The following MAEA variants were observed in gnomAD, a reference collection of about 807,000 sequenced individuals.
MAEA encodes macrophage erythroblast attacher, E3 ubiquitin ligase.
Under a neutral mutation model 46.2 loss-of-function variants are expected in MAEA, and 22 were observed. The observed-to-expected ratio is 0.48, with a 90% CI of 0.34 to 0.68. MAEA has a LOEUF of 0.68. MAEA is among the 30% of genes least tolerant of loss of function. The pLI is 0.01. For missense variants in MAEA, 393 were observed against 558.1 expected, an observed-to-expected ratio of 0.70 and a Z score of 2.98; for synonymous variants, 246 against 222.6, an observed-to-expected ratio of 1.11 and a Z score of -0.94.
At position 1,311,250 on chromosome 4, in the gene MAEA, C is replaced by T. The variant is rs1471196879; in HGVS notation, c.70-729C>T. ...GCAGGTGGTGTTTCCTGCGGGAGCC[C>T]GGCCACGGAGGCCGGGGAGCGCTGG... is the stretch of plus-strand genomic sequence containing the variant. On this transcript the variant is annotated intron_variant, in intron 1 of 8. Coordinates refer to ENST00000303400, the MANE Select transcript of MAEA (RefSeq NM_001017405.3). This position sits in a 1 kb window ranked among gnomAD's most constrained non-coding sequence, Gnocchi z 4.4. Among the ~76,000 whole-genome samples the T allele has an allele frequency of 1.3e-5, 2 of 152,192 alleles. No individual in the cohort carries two copies. The highest frequency in any genetic ancestry group is 4.8e-5 in the African/African-American group (2 of 41,448).
chr4:1,301,943 A>G (rs1735356515), intron 1 of MAEA, among the ~76,000 whole-genome samples: 1 of 150,748 alleles, frequency 6.6e-6, no homozygotes, highest in South Asian at 2.1e-4. Context: ...AGAAGGATTT[A>G]TACCAACTCT....
chr4:1,333,553 C>T (rs546558103), intron 6 of MAEA, among the ~76,000 whole-genome samples: 316 of 152,128 alleles, frequency 2.1e-3, no homozygotes, highest in Non-Finnish European at 3.1e-3. Flanking sequence ...TCCGCGGTCA[C>T]TGGGGTAGGG....
rs531887726 is a variant in MAEA, at chr4:1,306,446, C to T, written c.70-5533C>T. 1.6e-3 allele frequency among the ~76,000 whole-genome samples: 236 copies of T among 152,142 alleles called. 1 individual carries two copies. The highest frequency in any genetic ancestry group is 5.4e-3 in the African/African-American group (225 of 41,504). On this transcript the variant is annotated intron_variant, in intron 1 of 8. Coordinates refer to ENST00000303400, the MANE Select transcript of MAEA (RefSeq NM_001017405.3). Reference sequence around the variant, plus strand: ...AGGACAATCACTTGATCCCGGGAGGCGGAGGTTGCAGTGAGCCGAGATCAC... The same window carrying T: ...AGGACAATCACTTGATCCCGGGAGGTGGAGGTTGCAGTGAGCCGAGATCAC...
In MAEA at chr4:1,327,799, TCC is replaced by T. The variant is rs1739041456; in HGVS notation, c.656+99_656+100del. On this transcript the variant is annotated intron_variant, in intron 5 of 8. Coordinates refer to ENST00000303400, the MANE Select transcript of MAEA (RefSeq NM_001017405.3). ...CTGTCGTGGTCTGGGTCCTGGGACG[TCC>T]CCTGGGTCGTCCCCTGGGTCTTGAG... 4 of 868,674 alleles carry T rather than the reference TCC, an allele frequency of 4.6e-6. No homozygotes were observed. In the Admixed American group the frequency reaches 1.5e-4, roughly 34 times the overall value. The allele number at this position is 868,674 out of a possible 1,614,324, so 53.8% of individuals were successfully genotyped here.
At chr4:1,310,087 C>A in intron 1 of MAEA, 1 of 970,490 alleles carries the variant, frequency 1.0e-6, no homozygotes, top group Non-Finnish European at 1.3e-6. Context: ...TTCTGTCCTG[C>A]TCTTGTGAGG....
intron 3 of MAEA, among the ~76,000 whole-genome samples, chr4:1,316,572 A>C (rs1187355767): frequency 6.6e-6 from 1 of 151,920 alleles, no homozygotes; most frequent in South Asian, 2.1e-4. Flanking sequence ...CTGGCCCCAC[A>C]GGCCTCCCTC....
chr4:1,309,003 C>T (rs571995764), intron 1 of MAEA, among the ~76,000 whole-genome samples: 1 of 152,196 alleles, frequency 6.6e-6, no homozygotes. Flanking sequence ...GTGAGGTTGC[C>T]TGTCCTCATT....
rs561361641 is a variant in MAEA at position 1,335,493 on chromosome 4, CAG to C, written c.766-1365_766-1364del. The C allele has an allele frequency of 7.2e-4, 707 of 984,304 alleles. 8 individuals are homozygous for C. The African/African-American group carries it at 0.012, about 17-fold the overall frequency. 61.0% of individuals were successfully genotyped at this position (984,304 alleles called of 1,614,324 possible). A position where few individuals can be genotyped will look rare whatever the true frequency, so the allele number is the denominator to read the frequency against. ...CTGGCCCCACAGTGTGTTGAAATCA[CAG>C]AGTTAAGTCAGCACTGGCCCCATGG... On this transcript the variant is annotated intron_variant, in intron 6 of 8. Coordinates refer to ENST00000303400, the MANE Select transcript of MAEA (RefSeq NM_001017405.3).
In MAEA at chr4:1,339,599, G is replaced by C. The variant is rs1306383581; in HGVS notation, c.*430G>C. Reference sequence around the variant, plus strand: ...GTTGGCCCTGGCCTGGCCGGGGAAGGTGGCAGCGGCACCGGACTGACCTGC... The same window carrying C: ...GTTGGCCCTGGCCTGGCCGGGGAAGCTGGCAGCGGCACCGGACTGACCTGC... On this transcript the variant is annotated 3_prime_UTR_variant, in exon 9 of 9. Transcript: ENST00000303400. 1.0e-5 allele frequency: 2 copies of C among 198,804 alleles called. No homozygotes were observed. Among genetic ancestry groups the C allele is most frequent in the Middle Eastern group, 2.2e-3 (1 of 448 alleles). 12.3% of individuals were successfully genotyped at this position (198,804 alleles called of 1,614,324 possible). A position where few individuals can be genotyped will look rare whatever the true frequency, so the allele number is the denominator to read the frequency against.
At chr4:1,309,787 T>G in intron 1 of MAEA, 2 of 1,425,208 alleles carry the variant, frequency 1.4e-6, no homozygotes, top group South Asian at 1.4e-5. Flanking sequence ...GCCTTTTCCC[T>G]TGCACTGGGA....
At chr4:1,303,585 A>G (rs1252239792) in intron 1 of MAEA, among the ~76,000 whole-genome samples, 1 of 152,062 alleles carries the variant, frequency 6.6e-6, no homozygotes, top group Admixed American at 6.6e-5. Flanking sequence ...AGCCAGATAC[A>G]AAAGTCCACA....
chr4:1,327,333 C>T (rs752801318), intron 4 of MAEA, among the ~76,000 whole-genome samples: 2 of 152,244 alleles, frequency 1.3e-5, no homozygotes, highest in Non-Finnish European at 2.9e-5. Flanking sequence ...AGCTGTGCTC[C>T]TGGAAGCGCC....
intron 5 of MAEA, among the ~76,000 whole-genome samples, 200 bp downstream of exon 5, chr4:1,327,903 G>C (rs1739053316): frequency 6.6e-6 from 1 of 152,190 alleles, no homozygotes; most frequent in South Asian, 2.1e-4. Context: ...CCTGGAGCCT[G>C]GCAGGGCCCC....
At position 1,311,558 on chromosome 4, in the gene MAEA, C is replaced by T. The variant is rs908851383; in HGVS notation, c.70-421C>T. Among the ~76,000 whole-genome samples the T allele has an allele frequency of 6.6e-6, 1 of 152,158 alleles. No homozygotes were observed. Among genetic ancestry groups the T allele is most frequent in the East Asian group, 1.9e-4 (1 of 5,158 alleles). ...GAGCCCACGCCCCATGCACCCTTGT[C>T]CCTGCCCGGCCTGGCCTCGTGTGGT... On this transcript the variant is annotated intron_variant, in intron 1 of 8. Coordinates refer to ENST00000303400, the MANE Select transcript of MAEA (RefSeq NM_001017405.3). The surrounding 1 kb of genome is among the most constrained non-coding windows in gnomAD (Gnocchi z 4.4).
At chr4:1,336,435 C>T (rs1033712900) in intron 6 of MAEA, among the ~76,000 whole-genome samples, 4 of 151,710 alleles carry the variant, frequency 2.6e-5, no homozygotes, top group African/African-American at 9.7e-5. Context: ...AGTCAGCACT[C>T]ACCCCACAGC....
intron 1 of MAEA, chr4:1,309,408 G>C (rs2108898048): frequency 7.9e-7 from 1 of 1,270,862 alleles, no homozygotes; most frequent in East Asian, 3.0e-5. Context: ...CACGTGCTGA[G>C]TCCCCCGGAA....
At chr4:1,319,178 C>T (rs187721440) in intron 3 of MAEA, among the ~76,000 whole-genome samples, 1 of 152,254 alleles carries the variant, frequency 6.6e-6, no homozygotes, top group Admixed American at 6.5e-5. Flanking sequence ...AAAGTGAGAA[C>T]CCTTCTCTAC....
intron 1 of MAEA, among the ~76,000 whole-genome samples, chr4:1,310,347 C>T (rs1184919123): frequency 1.3e-5 from 2 of 152,182 alleles, no homozygotes; most frequent in Non-Finnish European, 2.9e-5. Flanking sequence ...GTAGAGCAGA[C>T]GAAAAGAATC....
intron 4 of MAEA, 87 bp downstream of exon 4, chr4:1,322,590 G>T: frequency 1.3e-6 from 2 of 1,542,408 alleles, no homozygotes; most frequent in Non-Finnish European, 1.8e-6. Context: ...TTGCCTGGTG[G>T]TTCACAGTAG....
Sources: allele counts gnomAD v4.1 joint callset (sites outside exome capture counted in the v4.1 genomes callset), GRCh38; gene constraint gnomAD v4.1.1; non-coding constraint Gnocchi (gnomAD v3.1); transcripts MANE v1.5; gene names NCBI Gene and HGNC (gene_info 2026-07-23, HGNC 2026-07-21).